The following GALNT18 variants were observed in gnomAD, a reference collection of about 807,000 sequenced individuals.
GALNT18 encodes the protein polypeptide N-acetylgalactosaminyltransferase 18.
Under a neutral mutation model 69.5 loss-of-function variants are expected in GALNT18, and 44 were observed. The observed-to-expected ratio is 0.63, with a 90% CI of 0.50 to 0.81. The LOEUF is 0.81. GALNT18 is among the 40% of genes least tolerant of loss of function. The pLI, the probability that GALNT18 is intolerant of heterozygous loss-of-function variation, is 0.00. For synonymous variants in GALNT18, 364 were observed against 318.2 expected (o/e 1.14, Z -1.53); for missense variants, 715 against 810.0 (o/e 0.88, Z 1.42).
At position 11,309,509 on chromosome 11, in the gene GALNT18, A is replaced by G. The variant is rs1274540801; in HGVS notation, c.1513-16316T>C. Among the ~76,000 whole-genome samples the G allele has an allele frequency of 6.6e-6, 1 of 152,078 alleles. No individual in the cohort carries two copies. Among genetic ancestry groups the G allele is most frequent in the Non-Finnish European group, 1.5e-5 (1 of 68,024 alleles). ...AATGGCACTCTTGCTAGCAGCTTCA[A>G]TTTTTAAATTCCTTACTTTTTCTGC... On this transcript the variant is annotated intron_variant, in intron 9 of 10. Coordinates refer to ENST00000227756, the MANE Select transcript of GALNT18 (RefSeq NM_198516.3). This position sits in a 1 kb window ranked among gnomAD's most constrained non-coding sequence, Gnocchi z 4.6.
intron 5 of GALNT18, among the ~76,000 whole-genome samples, chr11:11,374,538 C>T (rs1589949227): frequency 6.6e-6 from 1 of 152,168 alleles, no homozygotes; most frequent in East Asian, 1.9e-4. Flanking sequence ...TGGAAAAATG[C>T]TTTCAGGACA....
At chr11:11,468,345 G>C (rs577771977) in intron 1 of GALNT18, among the ~76,000 whole-genome samples, 1 of 152,310 alleles carries the variant, frequency 6.6e-6, no homozygotes, top group East Asian at 1.9e-4. Flanking sequence ...GGTGTAGAAA[G>C]AGAAGTCTGT....
At chr11:11,285,397 C>T (rs1296698471) in intron 10 of GALNT18, among the ~76,000 whole-genome samples, 1 of 152,140 alleles carries the variant, frequency 6.6e-6, no homozygotes, top group Non-Finnish European at 1.5e-5. Context: ...CAGAGTAGTG[C>T]AGGGCACATA....
At chr11:11,308,447 C>T (rs957777907) in intron 9 of GALNT18, among the ~76,000 whole-genome samples, 1 of 152,058 alleles carries the variant, frequency 6.6e-6, no homozygotes, top group Non-Finnish European at 1.5e-5. Context: ...CCTTCCTTGC[C>T]CTCCCTCCTA....
chr11:11,443,694 G>C lies in GALNT18; in HGVS notation c.428+5050C>G, dbSNP rs576842488. Among the ~76,000 whole-genome samples, 3 of 152,326 alleles carry C rather than the reference G, an allele frequency of 2.0e-5. No individual in the cohort carries two copies. The South Asian group carries it at 6.2e-4, about 32-fold the overall frequency. ...AACCCTGAGACTAGGTATCTTCCCAGACCAGGAAGGAAGCAAGTGAACCCC... is the reference window on the plus strand; with the variant it reads ...AACCCTGAGACTAGGTATCTTCCCACACCAGGAAGGAAGCAAGTGAACCCC... On this transcript the variant is annotated intron_variant, in intron 2 of 10. Coordinates refer to ENST00000227756, the MANE Select transcript of GALNT18 (RefSeq NM_198516.3).
intron 6 of GALNT18, among the ~76,000 whole-genome samples, chr11:11,371,640 TG>T: frequency 6.8e-6 from 1 of 147,554 alleles, no homozygotes; most frequent in East Asian, 2.2e-4. Flanking sequence ...GGGGCCATCG[TG>T]GGGAGGACAT....
At chr11:11,405,685 G>A (rs1222672558) in intron 3 of GALNT18, among the ~76,000 whole-genome samples, 5 of 152,218 alleles carry the variant, frequency 3.3e-5, no homozygotes, top group African/African-American at 4.8e-5. Context: ...CTCTGAGGGC[G>A]CCTTTTGTCC....
chr11:11,591,781 TAC>T lies in GALNT18; in HGVS notation c.235+29576_235+29577del. On this transcript the variant is annotated intron_variant, in intron 1 of 10. Coordinates refer to ENST00000227756, the MANE Select transcript of GALNT18 (RefSeq NM_198516.3). The surrounding 1 kb of genome is among the most constrained non-coding windows in gnomAD (Gnocchi z 4.8). ...CCCATACCCTTTGAAGGGACAAAAA[TAC>T]ACACATTATCAGATTTGGGTCCTGA... 6.6e-6 allele frequency among the ~76,000 whole-genome samples: 1 copy of T among 152,140 alleles called. No homozygotes were observed. Among genetic ancestry groups the T allele is most frequent in the Non-Finnish European group, 1.5e-5 (1 of 68,024 alleles).
chr11:11,349,502 C>T (rs1275562902), intron 6 of GALNT18, among the ~76,000 whole-genome samples: 1 of 152,196 alleles, frequency 6.6e-6, no homozygotes, highest in Non-Finnish European at 1.5e-5. Context: ...GCAAGAAATT[C>T]TCCCTCACCG....
chr11:11,431,097 G>T (rs185688753), intron 3 of GALNT18, among the ~76,000 whole-genome samples: 3 of 152,238 alleles, frequency 2.0e-5, no homozygotes, highest in African/African-American at 7.2e-5. Flanking sequence ...GACATGAAAA[G>T]GTTCTCACTA....
At position 11,606,036 on chromosome 11, in the gene GALNT18, A is replaced by G. The variant is rs992923364; in HGVS notation, c.235+15323T>C. Among the ~76,000 whole-genome samples the G allele has an allele frequency of 6.6e-6, 1 of 152,218 alleles. No homozygotes were observed. The highest frequency in any genetic ancestry group is 3.2e-3 in the Middle Eastern group (1 of 316). ...GCGTTCCTGTCCCTGACCCAAAAGC[A>G]TAGCATAGAACAGCCTCTCAGAAGC... is the stretch of plus-strand genomic sequence containing the variant. On this transcript the variant is annotated intron_variant, in intron 1 of 10. Transcript: ENST00000227756. This position sits in a 1 kb window ranked among gnomAD's most constrained non-coding sequence, Gnocchi z 5.4.
At chr11:11,289,841 T>TGACTTCATCTCAATGTCTCATATTGGA (rs1383033212) in intron 10 of GALNT18, among the ~76,000 whole-genome samples, 3 of 152,128 alleles carry the variant, frequency 2.0e-5, no homozygotes, top group Non-Finnish European at 4.4e-5. Context: ...TCTTGGAGGG[T>TGACTTCATCTCAATGTCTCATATTGGA]GACTTCATCT....
intron 10 of GALNT18, among the ~76,000 whole-genome samples, chr11:11,290,585 C>T (rs1849278943): frequency 6.6e-6 from 1 of 152,198 alleles, no homozygotes; most frequent in Non-Finnish European, 1.5e-5. Context: ...GATGTCACAA[C>T]TTTCACACAT....
chr11:11,313,363 C>A (rs1412771023), intron 9 of GALNT18, among the ~76,000 whole-genome samples: 1 of 152,202 alleles, frequency 6.6e-6, no homozygotes, highest in African/African-American at 2.4e-5. Context: ...TCTCCTCCAA[C>A]CATATCTTAG....
At chr11:11,408,820 T>C (rs144922421) in intron 3 of GALNT18, among the ~76,000 whole-genome samples, 9 of 152,258 alleles carry the variant, frequency 5.9e-5, no homozygotes, top group Admixed American at 2.0e-4. Context: ...GATGAGTATA[T>C]ATGGCACAGG....
intron 10 of GALNT18, among the ~76,000 whole-genome samples, chr11:11,286,290 CCT>C (rs1229558933): frequency 1.3e-5 from 2 of 152,198 alleles, no homozygotes; most frequent in East Asian, 3.8e-4. Context: ...AATATTTCCA[CCT>C]CTCTCCTCCA....
At chr11:11,594,181 T>C (rs1294939404) in intron 1 of GALNT18, among the ~76,000 whole-genome samples, 2 of 152,256 alleles carry the variant, frequency 1.3e-5, no homozygotes, top group Non-Finnish European at 2.9e-5. Flanking sequence ...CTGTGCTTCC[T>C]GTCCAGAGGG....
intron 2 of GALNT18, among the ~76,000 whole-genome samples, chr11:11,445,980 G>C (rs577591586): frequency 6.6e-6 from 1 of 152,240 alleles, no homozygotes; most frequent in Admixed American, 6.5e-5. Context: ...TGGGTGGGGC[G>C]CTTCTCTCAG....
chr11:11,364,541 G>A (rs971263470), intron 6 of GALNT18, among the ~76,000 whole-genome samples: 2 of 143,708 alleles, frequency 1.4e-5, no homozygotes, highest in African/African-American at 5.1e-5. Context: ...CTTCAAAAAC[G>A]AAATTACAAG....
Sources: allele counts gnomAD v4.1 joint callset (sites outside exome capture counted in the v4.1 genomes callset), GRCh38; gene constraint gnomAD v4.1.1; non-coding constraint Gnocchi (gnomAD v3.1); transcripts MANE v1.5; gene names NCBI Gene and HGNC (gene_info 2026-07-23, HGNC 2026-07-21).